FSTL5: variants seen among roughly 807,000 people sequenced by gnomAD.
FSTL5 encodes the protein follistatin like 5.
A neutral mutation model predicts 89.1 loss-of-function variants in FSTL5; 62 were observed. That is an observed-to-expected ratio of 0.70 (90% CI 0.57 to 0.86). The LOEUF is 0.86. FSTL5 is among the 40% of genes least tolerant of loss of function. The pLI is 0.00. For missense variants in FSTL5, 1,057 were observed against 1,001.6 expected (o/e 1.06, Z -0.75); for synonymous variants, 383 against 346.2 (o/e 1.11, Z -1.18).
intron 6 of FSTL5, among the ~76,000 whole-genome samples, chr4:161,656,925 G>T (rs1736539540): frequency 6.6e-6 from 1 of 152,056 alleles, no homozygotes; most frequent in South Asian, 2.1e-4. Context: ...CTTTTTGCTG[G>T]GAAACCTATT....
intron 4 of FSTL5, among the ~76,000 whole-genome samples, chr4:161,832,928 G>A (rs1192667679): frequency 6.8e-6 from 1 of 147,474 alleles, no homozygotes; most frequent in African/African-American, 2.5e-5. Flanking sequence ...GCTAGCTTTC[G>A]AATGTGTTTG....
At chr4:162,013,930 G>A (rs1311187943) in intron 3 of FSTL5, among the ~76,000 whole-genome samples, 1 of 152,024 alleles carries the variant, frequency 6.6e-6, no homozygotes, top group African/African-American at 2.4e-5. Context: ...AAACATCCTG[G>A]ATTTAAGCAA....
chr4:161,463,268 A>C (rs1733640726), intron 13 of FSTL5, among the ~76,000 whole-genome samples: 1 of 152,142 alleles, frequency 6.6e-6, no homozygotes, highest in Non-Finnish European at 1.5e-5. Context: ...CTTTGCACTA[A>C]ATTCAGTTAT....
At chr4:161,872,239 G>C (rs960714732) in intron 4 of FSTL5, among the ~76,000 whole-genome samples, 1 of 146,556 alleles carries the variant, frequency 6.8e-6, no homozygotes, top group Non-Finnish European at 1.5e-5. Flanking sequence ...CAAAAGTACT[G>C]GGATTATAGG....
chr4:161,476,420 C>T (rs892976931), intron 13 of FSTL5, among the ~76,000 whole-genome samples: 7 of 152,030 alleles, frequency 4.6e-5, no homozygotes, highest in Non-Finnish European at 8.8e-5. Context: ...CTCCTGACCT[C>T]AGGTGACCCA....
At position 161,481,598 on chromosome 4, in the gene FSTL5, A is replaced by T. The variant is rs116540706; in HGVS notation, c.1459-429T>A. 8.4e-3 allele frequency among the ~76,000 whole-genome samples: 1,281 copies of T among 152,328 alleles called. 15 individuals carry two copies. The highest frequency in any genetic ancestry group is 0.03 in the African/African-American group (1,237 of 41,562). The stretch of plus-strand genomic sequence containing the variant: ...CAAATTCATAGTTTTGTTAAGAGTC[A>T]TGTAATCTTGTGGAAAAGACTGCAG... On this transcript the variant is annotated intron_variant, in intron 12 of 15. Transcript: ENST00000306100.
chr4:161,478,037 A>G (rs1425375237), intron 13 of FSTL5, among the ~76,000 whole-genome samples: 15 of 152,096 alleles, frequency 9.9e-5, no homozygotes, highest in African/African-American at 3.4e-4. Flanking sequence ...TCATATGCAT[A>G]CACACACATA....
chr4:161,793,872 G>C (rs1454332585), intron 4 of FSTL5, among the ~76,000 whole-genome samples: 1 of 151,946 alleles, frequency 6.6e-6, no homozygotes, highest in African/African-American at 2.4e-5. Context: ...GCTTCCCAAA[G>C]TGCTGGGATT....
At chr4:161,564,098 AATAAT>A (rs1203657239) in intron 8 of FSTL5, among the ~76,000 whole-genome samples, 6 of 151,856 alleles carry the variant, frequency 4.0e-5, no homozygotes, top group Admixed American at 6.6e-5. Flanking sequence ...CTTCAGAGTG[AATAAT>A]ATATTTGTAT....
intron 2 of FSTL5, among the ~76,000 whole-genome samples, chr4:162,089,346 G>C (rs989648427): frequency 6.6e-6 from 1 of 152,028 alleles, no homozygotes; most frequent in African/African-American, 2.4e-5. Context: ...AAAAAATTGA[G>C]TTTGTAGGCT....
intron 4 of FSTL5, among the ~76,000 whole-genome samples, chr4:161,822,859 C>T (rs1560865397): frequency 1.3e-5 from 2 of 152,210 alleles, no homozygotes; most frequent in Non-Finnish European, 2.9e-5. Flanking sequence ...GAACAGCTCT[C>T]AGGAGTCCCA....
chr4:161,425,858 T>C (rs982685554), intron 15 of FSTL5, among the ~76,000 whole-genome samples: 2 of 152,022 alleles, frequency 1.3e-5, no homozygotes, highest in Non-Finnish European at 2.9e-5. Context: ...TTCTGTTCTC[T>C]CTCTTTTTCT....
At chr4:161,682,035 A>G (rs945170742) in intron 6 of FSTL5, among the ~76,000 whole-genome samples, 6 of 152,360 alleles carry the variant, frequency 3.9e-5, no homozygotes, top group East Asian at 3.9e-4. Flanking sequence ...TGTTACAGTA[A>G]TGAGTAGTAT....
At chr4:161,472,062 C>G (rs541817502) in intron 13 of FSTL5, among the ~76,000 whole-genome samples, 6 of 151,748 alleles carry the variant, frequency 4.0e-5, no homozygotes, top group Admixed American at 2.6e-4. Flanking sequence ...CCACAAGCTC[C>G]ACCTCCCGGG....
rs72987290 is a variant in FSTL5, at chr4:161,407,198, C to T, written c.1842-20749G>A. ...CTTTAAAATTTTTGATTTTGGATTT[C>T]AGGCTTAGCAACAATGCCCTCTAGA... On this transcript the variant is annotated intron_variant, in intron 15 of 15. Transcript: ENST00000306100. Among the ~76,000 whole-genome samples the T allele has an allele frequency of 2.4e-3, 368 of 152,222 alleles. 1 individual carries two copies. The highest frequency in any genetic ancestry group is 8.5e-3 in the African/African-American group (352 of 41,536).
intron 8 of FSTL5, among the ~76,000 whole-genome samples, chr4:161,546,394 T>C (rs1442005074): frequency 6.6e-6 from 1 of 151,040 alleles, no homozygotes; most frequent in African/African-American, 2.4e-5. Context: ...AAATCAGTGA[T>C]TCCAAAAGCC....
chr4:161,443,849 G>T (rs910233336), intron 15 of FSTL5, among the ~76,000 whole-genome samples: 1 of 151,892 alleles, frequency 6.6e-6, no homozygotes, highest in Non-Finnish European at 1.5e-5. Flanking sequence ...GGCTACTCAG[G>T]TTCTTCTTGG....
intron 3 of FSTL5, among the ~76,000 whole-genome samples, chr4:162,023,060 G>A (rs992848296): frequency 1.3e-5 from 2 of 152,054 alleles, no homozygotes; most frequent in South Asian, 2.1e-4. Context: ...GAAACTACAC[G>A]TGTATCCCCA....
In FSTL5 at chr4:161,501,901, T is replaced by A. The variant is rs547490282; in HGVS notation, c.1340-1767A>T. Among the ~76,000 whole-genome samples the A allele has an allele frequency of 9.2e-5, 14 of 152,138 alleles. No homozygotes were observed. In the East Asian group the frequency reaches 2.7e-3, roughly 29 times the overall value. ...CAAAGCCTCCATGTAAACATTAACA[T>A]ATAAATAACTATCAATTTAACATTA... On this transcript the variant is annotated intron_variant, in intron 11 of 15. Coordinates refer to ENST00000306100, the MANE Select transcript of FSTL5 (RefSeq NM_020116.5).
Sources: allele counts gnomAD v4.1 joint callset (sites outside exome capture counted in the v4.1 genomes callset), GRCh38; gene constraint gnomAD v4.1.1; transcripts MANE v1.5; gene names NCBI Gene and HGNC (gene_info 2026-07-23, HGNC 2026-07-21).